Variants in NECTIN4 observed in about 807,000 individuals in gnomAD.
NECTIN4 encodes nectin-4.
Under a neutral mutation model 51.7 loss-of-function variants are expected in NECTIN4, and 19 were observed. The ratio of observed to expected loss-of-function variants is 0.37; its 90% CI spans 0.26 to 0.54. The LOEUF is 0.54. NECTIN4 is among the 20% of genes least tolerant of loss of function. The pLI is 0.86. For missense variants in NECTIN4, 619 were observed against 662.4 expected (o/e 0.93, Z 0.72); for synonymous variants, 283 against 286.9 (o/e 0.99, Z 0.14).
In NECTIN4 at chr1:161,089,362, G is replaced by T; in HGVS notation, c.-66C>A. On this transcript the variant is annotated 5_prime_UTR_variant, in exon 1 of 9. The change creates a new upstream start codon in the 5' untranslated region. Transcript: ENST00000368012. This position sits in a 1 kb window ranked among gnomAD's most constrained non-coding sequence, Gnocchi z 4.1. ...GAGATCTCCCTGGGAGCCGGCTGCAGACTTGAATAAGGAACTGACCCAGAA... is the reference window on the plus strand; with the variant it reads ...GAGATCTCCCTGGGAGCCGGCTGCATACTTGAATAAGGAACTGACCCAGAA... 2 of 1,467,406 alleles carry T rather than the reference G, an allele frequency of 1.4e-6. No homozygotes were observed. Among genetic ancestry groups the T allele is most frequent in the South Asian group, 2.3e-5 (2 of 88,022 alleles). The allele number at this position is 1,467,406 out of a possible 1,614,324, so 90.9% of individuals were successfully genotyped here.
chr1:161,076,412 C>T lies in NECTIN4; in HGVS notation c.794G>A (p.Gly265Glu), dbSNP rs199581159. Reference sequence around the variant, plus strand: ...TTCACTCAGGCACTTGAGCATAGCTCCTTCTCTGCCAATGTGCCACAGATT... The same window carrying T: ...TTCACTCAGGCACTTGAGCATAGCTTCTTCTCTGCCAATGTGCCACAGATT... The part of the protein sequence containing the change: ...DQNLWHIGRE[G>E]AMLKCLSEGQ... Residue 265 changes from glycine to glutamate, a missense_variant, in exon 4 of 9, where the codon GGA (glycine) becomes GAA (glutamate). Physicochemically the swap from Gly to Glu is moderately conservative, Grantham distance 98 (BLOSUM62 -2). Around this residue, in one of 3 missense-constraint regions of NECTIN4, gnomAD observed 364 missense variants for 415.7 expected, o/e 0.88. Coordinates refer to ENST00000368012, the MANE Select transcript of NECTIN4 (RefSeq NM_030916.3). 6.2e-6 allele frequency: 10 copies of T among 1,614,070 alleles called. No homozygotes were observed. In the South Asian group the frequency reaches 6.6e-5, roughly 11 times the overall value.
intron 1 of NECTIN4, among the ~76,000 whole-genome samples, chr1:161,081,250 G>A (rs1004652041): frequency 1.1e-4 from 17 of 152,238 alleles, no homozygotes; most frequent in African/African-American, 3.9e-4. Flanking sequence ...AAGAGGAAAT[G>A]GGGAGTCACT....
rs576325428 is a variant in NECTIN4, at chr1:161,071,941, C to A, written c.*720G>T. 4 of 152,236 alleles carry A rather than the reference C, an allele frequency of 2.6e-5. No homozygotes were observed. In the South Asian group the frequency reaches 8.3e-4, roughly 32 times the overall value. 9.4% of individuals were successfully genotyped at this position (152,236 alleles called of 1,614,324 possible). ...AAAGTGATTCGGAGCAGTATTCCTG[C>A]AAGAAGCTCCCGGCGCATGTATATT... On this transcript the variant is annotated 3_prime_UTR_variant, in exon 9 of 9. Transcript: ENST00000368012.
chr1:161,080,190 C>A (rs1411998207), intron 1 of NECTIN4, among the ~76,000 whole-genome samples: 1 of 152,202 alleles, frequency 6.6e-6, no homozygotes, highest in Non-Finnish European at 1.5e-5. Context: ...TTGCCTAAGG[C>A]CACACAGACG....
chr1:161,078,828 G>A (rs1653533085), intron 2 of NECTIN4, among the ~76,000 whole-genome samples: 1 of 151,774 alleles, frequency 6.6e-6, no homozygotes. Context: ...TGGCTAACAC[G>A]GTGAAACCTT....
intron 4 of NECTIN4, among the ~76,000 whole-genome samples, chr1:161,075,863 G>T (rs1224173529): frequency 6.6e-6 from 1 of 152,118 alleles, no homozygotes; most frequent in Non-Finnish European, 1.5e-5. Context: ...AGATCACAAG[G>T]TCTAGAGATC....
chr1:161,073,953 G>A (rs1653300019), intron 6 of NECTIN4, among the ~76,000 whole-genome samples, 158 bp from the exon 7 acceptor site: 1 of 152,190 alleles, frequency 6.6e-6, no homozygotes, highest in South Asian at 2.1e-4. Flanking sequence ...TGAGGCTGAA[G>A]AGCATGTGTG....
chr1:161,076,592 A>T, intron 3 of NECTIN4, 117 bp from the exon 4 acceptor site: 2 of 1,377,700 alleles, frequency 1.5e-6, no homozygotes, highest in Non-Finnish European at 2.0e-6. Context: ...GCCCTTCTCC[A>T]TCCTACTCAT....
At position 161,071,434 on chromosome 1, in the gene NECTIN4, T is replaced by G. The variant is rs1653159275; in HGVS notation, c.*1227A>C. The G allele has an allele frequency of 6.6e-6, 1 of 152,266 alleles. No homozygotes were observed. The highest frequency in any genetic ancestry group is 1.5e-5 in the Non-Finnish European group (1 of 68,062). The allele number at this position is 152,266 out of a possible 1,614,324, so 9.4% of individuals were successfully genotyped here. A position where few individuals can be genotyped will look rare whatever the true frequency, so the allele number is the denominator to read the frequency against. ...CAACACCACTATTGAACAGGAGCCCTTGTCACCAGGTCCAAGCAATTCCCT... is the reference window on the plus strand; with the variant it reads ...CAACACCACTATTGAACAGGAGCCCGTGTCACCAGGTCCAAGCAATTCCCT... On this transcript the variant is annotated 3_prime_UTR_variant, in exon 9 of 9. Coordinates refer to ENST00000368012, the MANE Select transcript of NECTIN4 (RefSeq NM_030916.3).
chr1:161,083,984 T>C lies in NECTIN4; in HGVS notation c.80-4035A>G, dbSNP rs565001537. On this transcript the variant is annotated intron_variant, in intron 1 of 8. Coordinates refer to ENST00000368012, the MANE Select transcript of NECTIN4 (RefSeq NM_030916.3). ...CATCTTTAAGGAAGTATCTTTTCTT[T>C]ATGAGGGGCCTTTCTCCATCAGTAT... Among the ~76,000 whole-genome samples, 5 of 152,340 alleles carry C rather than the reference T, an allele frequency of 3.3e-5. No individual in the cohort carries two copies. The South Asian group carries it at 1.0e-3, about 32-fold the overall frequency.
rs77444104 is a variant in NECTIN4 at position 161,079,593 on chromosome 1, G to A, written c.436C>T (p.Leu146=). 3 of 1,603,118 alleles carry A rather than the reference G, an allele frequency of 1.9e-6. No individual in the cohort carries two copies. The African/African-American group carries it at 4.0e-5, about 21-fold the overall frequency. The change falls in exon 2 of 9, where the codon CTG becomes TTG. Residue 146 remains leucine, a synonymous_variant. Coordinates refer to ENST00000368012, the MANE Select transcript of NECTIN4 (RefSeq NM_030916.3). Reference sequence around the variant, plus strand: ...GTACCCAGAGATCCCCGCTTACCCAGCACTCGGAGCCGCAGCCGCGCCTGG... The same window carrying A: ...GTACCCAGAGATCCCCGCTTACCCAACACTCGGAGCCGCAGCCGCGCCTGG... ...SFQARLRLRV[L]VPPLPSLNPG...
intron 1 of NECTIN4, among the ~76,000 whole-genome samples, chr1:161,087,993 C>T (rs912365301): frequency 6.6e-6 from 1 of 152,054 alleles, no homozygotes; most frequent in Non-Finnish European, 1.5e-5. Context: ...CCTTTTTGGC[C>T]TAAACAAGTG....
intron 4 of NECTIN4, 85 bp downstream of exon 4, chr1:161,076,270 G>A: frequency 6.7e-7 from 1 of 1,487,596 alleles, no homozygotes; most frequent in Admixed American, 1.8e-5. Context: ...AGAATATGTT[G>A]TCCCATTCCA....
At chr1:161,085,969 G>A (rs772278359) in intron 1 of NECTIN4, among the ~76,000 whole-genome samples, 4 of 152,138 alleles carry the variant, frequency 2.6e-5, no homozygotes, top group Admixed American at 6.5e-5. Flanking sequence ...ATAGGCGTGA[G>A]CCACCACGCC....
chr1:161,089,311 C>T lies in NECTIN4; in HGVS notation c.-15G>A, dbSNP rs1365342606. ...GACAGGGGCATGGTTGAAAGGCAGA[C>T]TGCCCAGCGTTTCTGAAGTTCCACC... On this transcript the variant is annotated 5_prime_UTR_variant, in exon 1 of 9. Coordinates refer to ENST00000368012, the MANE Select transcript of NECTIN4 (RefSeq NM_030916.3). This position sits in a 1 kb window ranked among gnomAD's most constrained non-coding sequence, Gnocchi z 4.1. 18 of 1,606,268 alleles carry T rather than the reference C, an allele frequency of 1.1e-5. No homozygotes were observed. Among genetic ancestry groups the T allele is most frequent in the Non-Finnish European group, 1.4e-5 (16 of 1,179,014 alleles).
chr1:161,073,629 G>T, intron 7 of NECTIN4, 91 bp downstream of exon 7: 2 of 1,137,414 alleles, frequency 1.8e-6, no homozygotes, highest in Non-Finnish European at 2.7e-6. Context: ...CCAGCAGAGA[G>T]CTGTGCTCCT....
chr1:161,072,248 G>A lies in NECTIN4; in HGVS notation c.*413C>T, dbSNP rs1056161185. 2.9e-5 allele frequency: 10 copies of A among 340,760 alleles called. No individual in the cohort carries two copies. The highest frequency in any genetic ancestry group is 7.5e-5 in the South Asian group (3 of 40,254). The allele number at this position is 340,760 out of a possible 1,614,324, so 21.1% of individuals were successfully genotyped here. A position where few individuals can be genotyped will look rare whatever the true frequency, so the allele number is the denominator to read the frequency against. On this transcript the variant is annotated 3_prime_UTR_variant, in exon 9 of 9. Transcript: ENST00000368012. Reference sequence around the variant, plus strand: ...AAAATACCTGCTTTTTCAGGCAGAGGTCACACACAGCCACATGACACACAC... The same window carrying A: ...AAAATACCTGCTTTTTCAGGCAGAGATCACACACAGCCACATGACACACAC...
At chr1:161,079,982 G>A in intron 1 of NECTIN4, 33 bp from the exon 2 acceptor site, 1 of 1,565,340 alleles carries the variant, frequency 6.4e-7, no homozygotes, top group Non-Finnish European at 8.7e-7. Flanking sequence ...GCCACCATTA[G>A]GGGTGCTGCC....
rs1653606744 is a variant in NECTIN4 at position 161,079,984 on chromosome 1, G to A, written c.80-35C>T. Reference sequence around the variant, plus strand: ...GCAGAGAGGGACAGCCACCATTAGGGGTGCTGCCAGAGCTGGGGGAGCACA... The same window carrying A: ...GCAGAGAGGGACAGCCACCATTAGGAGTGCTGCCAGAGCTGGGGGAGCACA... On this transcript the variant is annotated intron_variant, in intron 1 of 8. Coordinates refer to ENST00000368012, the MANE Select transcript of NECTIN4 (RefSeq NM_030916.3). The A allele has an allele frequency of 2.6e-6, 4 of 1,561,610 alleles. No individual in the cohort carries two copies. The South Asian group carries it at 3.6e-5, about 14-fold the overall frequency.
Sources: allele counts gnomAD v4.1 joint callset (sites outside exome capture counted in the v4.1 genomes callset), GRCh38; gene constraint gnomAD v4.1.1; regional missense constraint gnomAD v4.1.1; non-coding constraint Gnocchi (gnomAD v3.1); transcripts MANE v1.5; gene names NCBI Gene and HGNC (gene_info 2026-07-23, HGNC 2026-07-21).